The following RELN variants were observed in gnomAD, a reference collection of about 807,000 sequenced individuals.
RELN encodes the protein reelin.
A neutral mutation model predicts 427.6 loss-of-function variants in RELN; 108 were observed. The ratio of observed to expected loss-of-function variants is 0.25; its 90% CI spans 0.22 to 0.30. RELN has a LOEUF of 0.30. RELN is among the 10% of genes least tolerant of loss of function. The pLI is 1.00. For synonymous variants in RELN, 1,524 were observed against 1,513.4 expected, an observed-to-expected ratio of 1.01 and a Z score of -0.16; for missense variants, 3,715 against 4,302.8, an observed-to-expected ratio of 0.86 and a Z score of 3.82.
intron 34 of RELN, among the ~76,000 whole-genome samples, chr7:103,564,460 GTGT>G (rs1830704148): frequency 6.6e-6 from 1 of 152,216 alleles, no homozygotes; most frequent in Admixed American, 6.5e-5. Context: ...CAGGGAGGAA[GTGT>G]TGTTGCTGGT....
At position 103,496,531 on chromosome 7, in the gene RELN, T is replaced by A. The variant is rs752255105; in HGVS notation, c.9188A>T (p.Asp3063Val). 1 of 1,614,142 alleles carries A rather than the reference T, an allele frequency of 6.2e-7. No homozygotes were observed. ...TTCAATGTCTTGTTTCTTACCATCATCAAAAGTGTCCACCAATTGGCTGGG... is the reference window on the plus strand; with the variant it reads ...TTCAATGTCTTGTTTCTTACCATCAACAAAAGTGTCCACCAATTGGCTGGG... Reference protein sequence around the residue: ...INPSQLVDTFDDEGTSHEENW... With the variant: ...INPSQLVDTFVDEGTSHEENW... The change falls in exon 56 of 65, where the codon GAT becomes GTT. Residue 3063 changes from aspartate to valine, a missense_variant. Asp to Val is a radical substitution (Grantham distance 152). This residue lies in a region of RELN where 1,310 missense variants were observed against 1,643.0 expected (regional missense o/e 0.80). Coordinates refer to ENST00000428762, the MANE Select transcript of RELN (RefSeq NM_005045.4).
intron 46 of RELN, among the ~76,000 whole-genome samples, chr7:103,525,919 A>C (rs1829813775): frequency 6.6e-6 from 1 of 152,140 alleles, no homozygotes; most frequent in Admixed American, 6.5e-5. Flanking sequence ...TTATCATTTT[A>C]TTGTTGCTGG....
intron 2 of RELN, among the ~76,000 whole-genome samples, chr7:103,905,983 C>T (rs1038366055): frequency 1.3e-5 from 2 of 151,946 alleles, no homozygotes; most frequent in Non-Finnish European, 2.9e-5. Flanking sequence ...AGAAAGAATT[C>T]CAAGGGACAC....
chr7:103,495,843 T>C lies in RELN; in HGVS notation c.9249A>G (p.Ala3083=). ...WSFYPNAVRT[A]GFCGNPSFHL... is the part of the protein sequence containing the mutation. Reference sequence around the variant, plus strand: ...GAAAGGATGGATTGCCACAAAATCCTGCTGTCCTTACAGCATTAGGGTAAA... The same window carrying C: ...GAAAGGATGGATTGCCACAAAATCCCGCTGTCCTTACAGCATTAGGGTAAA... Residue 3083 remains alanine (A), a synonymous_variant, in exon 57 of 65, where the codon GCA becomes GCG. Transcript: ENST00000428762. 1 of 1,614,152 alleles carries C rather than the reference T, an allele frequency of 6.2e-7. No individual in the cohort carries two copies. The highest frequency in any genetic ancestry group is 8.5e-7 in the Non-Finnish European group (1 of 1,180,006).
At chr7:103,537,572 T>C (rs534128580) in intron 45 of RELN, among the ~76,000 whole-genome samples, 2 of 152,356 alleles carry the variant, frequency 1.3e-5, no homozygotes, top group East Asian at 1.9e-4. Context: ...TACAAGTGAC[T>C]GGGCTTACGA....
intron 63 of RELN, among the ~76,000 whole-genome samples, chr7:103,481,313 C>G (rs1828227900): frequency 6.6e-6 from 1 of 152,152 alleles, no homozygotes; most frequent in African/African-American, 2.4e-5. Flanking sequence ...TGTGTTTACT[C>G]AAGGGGCAGG....
At chr7:103,942,283 C>A (rs1300219569) in intron 1 of RELN, among the ~76,000 whole-genome samples, 1 of 152,134 alleles carries the variant, frequency 6.6e-6, no homozygotes, top group Non-Finnish European at 1.5e-5. Context: ...TACCCATTAA[C>A]CAACATCTTC....
intron 1 of RELN, among the ~76,000 whole-genome samples, chr7:103,963,144 TCTCATTGGCGC>T: frequency 6.6e-6 from 1 of 151,072 alleles, no homozygotes; most frequent in African/African-American, 2.4e-5. Flanking sequence ...CTTTTTTTTT[TCTCATTGGCGC>T]TTTCTACTCA....
At chr7:103,972,104 TA>T (rs1220327227) in intron 1 of RELN, among the ~76,000 whole-genome samples, 2 of 151,940 alleles carry the variant, frequency 1.3e-5, no homozygotes, top group Non-Finnish European at 2.9e-5. Flanking sequence ...AATAAAAAAA[TA>T]AAAAAATCTC....
At chr7:103,590,791 C>T (rs904010820) in intron 27 of RELN, among the ~76,000 whole-genome samples, 1 of 152,084 alleles carries the variant, frequency 6.6e-6, no homozygotes, top group Non-Finnish European at 1.5e-5. Flanking sequence ...CATAACTGTC[C>T]TTTCTTTTCT....
At position 103,529,964 on chromosome 7, in the gene RELN, C is replaced by T. The variant is rs1229513715; in HGVS notation, c.7349+5352G>A. On this transcript the variant is annotated intron_variant, in intron 46 of 64. Transcript: ENST00000428762. ...ATGTTATTCTGAATCTTCTCTCTGC[C>T]TGAATCCTCTCAGTCCCCTTGCTGG... 2.0e-5 allele frequency among the ~76,000 whole-genome samples: 3 copies of T among 152,128 alleles called. No homozygotes were observed. In the East Asian group the frequency reaches 5.8e-4, roughly 29 times the overall value.
intron 2 of RELN, among the ~76,000 whole-genome samples, chr7:103,845,088 A>G (rs1005173185): frequency 6.6e-6 from 1 of 152,162 alleles, no homozygotes; most frequent in East Asian, 1.9e-4. Context: ...TGTCTAAATA[A>G]CCTGTGATTG....
intron 63 of RELN, among the ~76,000 whole-genome samples, chr7:103,480,719 T>C (rs1828203836): frequency 6.6e-6 from 1 of 152,244 alleles, no homozygotes. Context: ...TGAAATTATA[T>C]ATACATAAAA....
At chr7:103,734,464 A>G (rs79757407) in intron 6 of RELN, among the ~76,000 whole-genome samples, 1,903 of 152,314 alleles carry the variant, frequency 0.012, 25 homozygotes, top group Non-Finnish European at 0.017. Flanking sequence ...TGTCCACCTC[A>G]AAAATATATT....
chr7:103,654,648 C>T (rs1301141891), intron 12 of RELN, among the ~76,000 whole-genome samples: 3 of 152,092 alleles, frequency 2.0e-5, no homozygotes, highest in Admixed American at 2.0e-4. Context: ...GTTAGTCAAA[C>T]TGTTGCACAT....
At chr7:103,518,160 T>C (rs553737321) in intron 49 of RELN, among the ~76,000 whole-genome samples, 3 of 152,112 alleles carry the variant, frequency 2.0e-5, no homozygotes, top group Non-Finnish European at 2.9e-5. Context: ...GTAATTTACA[T>C]AGGAGAGAGA....
chr7:103,706,789 C>T (rs895704113), intron 8 of RELN, among the ~76,000 whole-genome samples: 1 of 152,000 alleles, frequency 6.6e-6, no homozygotes, highest in African/African-American at 2.4e-5. Flanking sequence ...AGGACTAAAC[C>T]TTTAACCCCC....
In RELN at chr7:103,472,844, T is replaced by C; in HGVS notation, c.10351A>G (p.Arg3451Gly). The C allele has an allele frequency of 6.2e-7, 1 of 1,613,992 alleles. No homozygotes were observed. The highest frequency in any genetic ancestry group is 8.5e-7 in the Non-Finnish European group (1 of 1,179,850). ...RQHGLRHFYNRRRRSLRRYP is the reference protein window; with the variant it reads ...RQHGLRHFYNGRRRSLRRYP ...TATCGCCTAAGTGACCTTCGTCTTC[T>C]GTTGTAGAAATGTCTGAGCCCATGT... is the stretch of plus-strand genomic sequence containing the variant. Residue 3451 changes from arginine to glycine, a missense_variant, in exon 65 of 65, where the codon AGA (arginine) becomes GGA (glycine). Transcript: ENST00000428762.
At chr7:103,535,253 T>A (rs1830023245) in intron 46 of RELN, 63 bp downstream of exon 46, 2 of 1,498,522 alleles carry the variant, frequency 1.3e-6, no homozygotes, top group African/African-American at 2.8e-5. Flanking sequence ...ACATGCCAAA[T>A]GTTATCACAT....
Sources: gnomAD v4.1 joint callset for allele counts (sites outside exome capture counted in the v4.1 genomes callset) on GRCh38, gnomAD v4.1.1 for gene constraint, gnomAD v4.1.1 regional missense constraint, MANE v1.5 for transcripts, NCBI Gene and HGNC (gene_info 2026-07-23, HGNC 2026-07-21) for gene names.